The following LONP1 variants were observed in gnomAD, a reference collection of about 807,000 sequenced individuals.
The protein encoded by LONP1 is lon protease homolog, mitochondrial.
A neutral mutation model predicts 98.5 loss-of-function variants in LONP1; 31 were observed. The ratio of observed to expected loss-of-function variants is 0.31; its 90% CI spans 0.24 to 0.42. The LOEUF (loss-of-function observed/expected upper bound fraction) is 0.42. LONP1 is among the 20% of genes least tolerant of loss of function. LONP1 has a pLI of 1.00. For missense variants in LONP1, 1,336 were observed against 1,350.6 expected, an observed-to-expected ratio of 0.99 and a Z score of 0.17; for synonymous variants, 781 against 594.7, an observed-to-expected ratio of 1.31 and a Z score of -4.56.
chr19:5,697,725 G>A (rs572583639), intron 10 of LONP1, among the ~76,000 whole-genome samples: 15 of 151,206 alleles, frequency 9.9e-5, no homozygotes, highest in African/African-American at 1.5e-4. Flanking sequence ...TAATAACAAC[G>A]ATCCATCGCC....
chr19:5,700,782 G>A lies in LONP1; in HGVS notation c.1506+7C>T, dbSNP rs1393045246. ...CAAATCCACAACAGGCCAGACACTG[G>A]GCTCACCAGGATGCGTTTCTTGACG... On this transcript the variant is annotated splice_region_variant and intron_variant, in intron 9 of 17. Coordinates refer to ENST00000360614, the MANE Select transcript of LONP1 (RefSeq NM_004793.4). 6.2e-7 allele frequency: 1 copy of A among 1,614,034 alleles called. No individual in the cohort carries two copies. Among genetic ancestry groups the A allele is most frequent in the South Asian group, 1.1e-5 (1 of 91,080 alleles).
intron 1 of LONP1, chr19:5,717,303 A>G (rs925563219): frequency 1.3e-5 from 2 of 152,218 alleles, no homozygotes; most frequent in African/African-American, 2.4e-5. Flanking sequence ...TGGGTCCCAA[A>G]GAAGTTGCCT....
chr19:5,695,465 C>T (rs996590763), intron 13 of LONP1, among the ~76,000 whole-genome samples: 12 of 152,174 alleles, frequency 7.9e-5, no homozygotes, highest in Non-Finnish European at 4.4e-5. Context: ...ACTACAGGCC[C>T]GTCCCTTGGA....
At position 5,694,852 on chromosome 19, in the gene LONP1, T is replaced by C. The variant is rs929468448; in HGVS notation, c.2063A>G (p.Lys688Arg). The change falls in exon 14 of 18, where the codon AAG becomes AGG. Residue 688 changes from lysine (K) to arginine (R), a missense_variant. This residue lies in a region of LONP1 where 555 missense variants were observed against 542.6 expected (regional missense o/e 1.02). Coordinates refer to ENST00000360614, the MANE Select transcript of LONP1 (RefSeq NM_004793.4). ...ARALCGLDES[K>R]AKLSSDVLTL... is the part of the protein sequence containing the mutation. ...CAGCACGTCCGATGACAGCTTGGCC[T>C]TGCTCTCATCCAAGCCACACAGGGC... is the stretch of plus-strand genomic sequence containing the variant. 1.9e-6 allele frequency: 3 copies of C among 1,603,454 alleles called. No homozygotes were observed. The highest frequency in any genetic ancestry group is 1.1e-5 in the South Asian group (1 of 90,890).
intron 2 of LONP1, 100 bp downstream of exon 2, chr19:5,714,083 C>T (rs2055277153): frequency 3.5e-6 from 3 of 867,916 alleles, no homozygotes; most frequent in South Asian, 1.7e-5. Flanking sequence ...CTGGTTTCCT[C>T]GGGGTCAGGG....
chr19:5,695,835 T>C (rs1212441544), intron 13 of LONP1, among the ~76,000 whole-genome samples: 1 of 152,006 alleles, frequency 6.6e-6, no homozygotes, highest in Non-Finnish European at 1.5e-5. Context: ...GTGGGCGGTG[T>C]TTTGGACAGT....
rs1376860704 is a variant in LONP1 at position 5,691,842 on chromosome 19, A to C, written c.*190T>G. 1 of 810,974 alleles carries C rather than the reference A, an allele frequency of 1.2e-6. No individual in the cohort carries two copies. Among genetic ancestry groups the C allele is most frequent in the African/African-American group, 1.7e-5 (1 of 58,398 alleles). The allele number at this position is 810,974 out of a possible 1,614,324, so 50.2% of individuals were successfully genotyped here. A position where few individuals can be genotyped will look rare whatever the true frequency, so the allele number is the denominator to read the frequency against. The stretch of plus-strand genomic sequence containing the variant: ...AGGTGAGGAAGCCGCCGTACTGCAA[A>C]TGACTTTAATCATTAAATAGCTTCT... On this transcript the variant is annotated 3_prime_UTR_variant, in exon 18 of 18. Coordinates refer to ENST00000360614, the MANE Select transcript of LONP1 (RefSeq NM_004793.4).
At position 5,692,300 on chromosome 19, in the gene LONP1, G is replaced by C. The variant is rs3818815; in HGVS notation, c.2704-92C>G. 282,624 of 1,269,664 alleles carry C rather than the reference G, an allele frequency of 0.22. 32,974 individuals are homozygous for C. The highest frequency in any genetic ancestry group is 0.25 in the Middle Eastern group (1,213 of 4,868). The allele number at this position is 1,269,664 out of a possible 1,614,324, so 78.6% of individuals were successfully genotyped here. A position where few individuals can be genotyped will look rare whatever the true frequency, so the allele number is the denominator to read the frequency against. ...GGAACGAAAGGGCTTCCTGGGGACC[G>C]GCGATACACAGTGATGCCGGGTTCT... On this transcript the variant is annotated intron_variant, in intron 17 of 17. Transcript: ENST00000360614.
At chr19:5,696,206 C>T (rs1278660983) in intron 12 of LONP1, 36 bp from the exon 13 acceptor site, 6 of 1,612,752 alleles carry the variant, frequency 3.7e-6, no homozygotes, top group Non-Finnish European at 5.1e-6. Flanking sequence ...GGACTGGCCG[C>T]TTACCCTCCC....
chr19:5,696,240 G>A lies in LONP1; in HGVS notation c.1896+9C>T. ...CCCAGCAAGCCCAGGCCCCAGACAGGCCCCCCACCTTGGACAAGTCCACGG... is the reference window on the plus strand; with the variant it reads ...CCCAGCAAGCCCAGGCCCCAGACAGACCCCCCACCTTGGACAAGTCCACGG... On this transcript the variant is annotated intron_variant, in intron 12 of 17. Transcript: ENST00000360614. The A allele has an allele frequency of 1.2e-6, 2 of 1,613,016 alleles. No homozygotes were observed. Among genetic ancestry groups the A allele is most frequent in the Non-Finnish European group, 1.7e-6 (2 of 1,179,786 alleles).
At chr19:5,694,332 G>C in intron 15 of LONP1, 55 bp downstream of exon 15, 2 of 1,598,342 alleles carry the variant, frequency 1.3e-6, no homozygotes, top group Non-Finnish European at 1.7e-6. Flanking sequence ...GGACCTGCTT[G>C]TTCTCGGGTA....
In LONP1 at chr19:5,716,259, C is replaced by CATATATATATATATATAT. The variant is rs3082272; in HGVS notation, c.430-2006_430-1989dup. Reference sequence around the variant, plus strand: ...TATTATATAATAAAGTTAAAATATACATATATATATATATATATATATATA... The same window carrying CATATATATATATATATAT: ...TATTATATAATAAAGTTAAAATATACATATATATATATATATATATATATATATATATATATATATATA... On this transcript the variant is annotated intron_variant, in intron 1 of 17. Transcript: ENST00000360614. Among the ~76,000 whole-genome samples the CATATATATATATATATAT allele has an allele frequency of 3.6e-3, 278 of 77,114 alleles. 21 individuals are homozygous for CATATATATATATATATAT. The highest frequency in any genetic ancestry group is 4.5e-3 in the Non-Finnish European group (192 of 42,548). 50.6% of individuals were successfully genotyped at this position (77,114 alleles called of 152,430 possible). A position where few individuals can be genotyped will look rare whatever the true frequency, so the allele number is the denominator to read the frequency against.
rs1206416059 is a variant in LONP1 at position 5,696,288 on chromosome 19, G to C, written c.1857C>G (p.Phe619Leu). 5 of 1,613,338 alleles carry C rather than the reference G, an allele frequency of 3.1e-6. No individual in the cohort carries two copies. The African/African-American group carries it at 6.7e-5, about 22-fold the overall frequency. The stretch of plus-strand genomic sequence containing the variant: ...CGGGCACGTCCAGGTAGTGGTCCAG[G>C]AAGTTGGCATTCTGCTCTGGGTCCA... The part of the protein sequence containing the change: ...ELLDPEQNAN[F>L]LDHYLDVPVD... Residue 619 changes from phenylalanine (F) to leucine (L), a missense_variant, in exon 12 of 18, where the codon TTC becomes TTG. Phe to Leu is a conservative substitution (Grantham distance 22, BLOSUM62 0). This residue lies in a region of LONP1 where 555 missense variants were observed against 542.6 expected (regional missense o/e 1.02). Coordinates refer to ENST00000360614, the MANE Select transcript of LONP1 (RefSeq NM_004793.4).
At chr19:5,694,208 ATG>A (rs1376559033) in intron 15 of LONP1, among the ~76,000 whole-genome samples, 177 bp downstream of exon 15, 1 of 151,864 alleles carries the variant, frequency 6.6e-6, no homozygotes, top group Non-Finnish European at 1.5e-5. Flanking sequence ...TGCCACCCCC[ATG>A]TGTCACAGCC....
At chr19:5,705,746 T>G (rs1230777093) in intron 8 of LONP1, 26 bp downstream of exon 8, 2 of 1,609,448 alleles carry the variant, frequency 1.2e-6, no homozygotes, top group South Asian at 1.1e-5. Flanking sequence ...ACCTGAGGGC[T>G]GGGCCGCCCC....
chr19:5,707,897 G>A, intron 5 of LONP1, 71 bp from the exon 6 acceptor site: 1 of 1,571,936 alleles, frequency 6.4e-7, no homozygotes, highest in South Asian at 1.1e-5. Flanking sequence ...CCCAAACGGG[G>A]ACCCGGTCCT....
chr19:5,693,582 C>T lies in LONP1; in HGVS notation c.2508G>A (p.Val836=). The change falls in exon 16 of 18, where the codon GTG becomes GTA. Residue 836 remains valine (V), a synonymous_variant. Transcript: ENST00000360614. The stretch of plus-strand genomic sequence containing the variant: ...GCACATGCAGGTGGATGTGTGAGGT[C>T]ACCAGGTAGTCATTGGCGGGGGCGT... ...MQHAPANDYL[V]TSHIHLHVPE... 1 of 1,614,092 alleles carries T rather than the reference C, an allele frequency of 6.2e-7. No individual in the cohort carries two copies. The highest frequency in any genetic ancestry group is 1.7e-5 in the Admixed American group (1 of 60,012).
intron 4 of LONP1, among the ~76,000 whole-genome samples, chr19:5,710,833 C>T (rs2055225234): frequency 6.6e-6 from 1 of 151,978 alleles, no homozygotes; most frequent in African/African-American, 2.4e-5. Flanking sequence ...TGAGACTAGC[C>T]CGGCCAACAT....
chr19:5,717,842 G>A (rs942021045), intron 1 of LONP1, among the ~76,000 whole-genome samples: 8 of 151,386 alleles, frequency 5.3e-5, no homozygotes, highest in Admixed American at 2.0e-4. Context: ...AGCCTTCCAA[G>A]TAGCTGGGAA....
Sources: gnomAD v4.1 joint callset for allele counts (sites outside exome capture counted in the v4.1 genomes callset) on GRCh38, gnomAD v4.1.1 for gene constraint, gnomAD v4.1.1 regional missense constraint, MANE v1.5 for transcripts, NCBI Gene and HGNC (gene_info 2026-07-23, HGNC 2026-07-21) for gene names.